The following BCR variants were observed in gnomAD, a reference collection of about 807,000 sequenced individuals.
The protein encoded by BCR is breakpoint cluster region protein.
A neutral mutation model predicts 138.6 loss-of-function variants in BCR; 58 were observed. The observed-to-expected ratio is 0.42, with a 90% CI of 0.34 to 0.52. The LOEUF is 0.52. Among genes scored for constraint, BCR ranks in the 20% least tolerant of loss-of-function variants. The pLI, the probability that BCR is intolerant of heterozygous loss-of-function variation, is 0.06. For missense variants in BCR, 1,599 were observed against 1,727.2 expected (o/e 0.93, Z 1.32); for synonymous variants, 786 against 730.1 (o/e 1.08, Z -1.23).
intron 1 of BCR, among the ~76,000 whole-genome samples, chr22:23,207,136 A>C (rs916287448): frequency 2.6e-5 from 4 of 152,154 alleles, no homozygotes; most frequent in Admixed American, 2.6e-4. Flanking sequence ...TTTGAAGTTG[A>C]TGTGACACCT....
chr22:23,257,951 G>A (rs1900960169), intron 2 of BCR, among the ~76,000 whole-genome samples: 3 of 152,284 alleles, frequency 2.0e-5, no homozygotes, highest in East Asian at 1.9e-4. Context: ...GAGCACCTGG[G>A]TGTTCTGGGC....
intron 2 of BCR, among the ~76,000 whole-genome samples, chr22:23,257,602 G>A (rs1054854872): frequency 6.6e-6 from 1 of 152,246 alleles, no homozygotes; most frequent in Non-Finnish European, 1.5e-5. Context: ...TGTGGAGCAG[G>A]GAGCGGCATC....
chr22:23,188,882 T>A lies in BCR; in HGVS notation c.1279+6643T>A, dbSNP rs561644138. Among the ~76,000 whole-genome samples the A allele has an allele frequency of 2.0e-5, 3 of 152,352 alleles. No homozygotes were observed. In the East Asian group the frequency reaches 5.8e-4, roughly 29 times the overall value. On this transcript the variant is annotated intron_variant, in intron 1 of 22. Transcript: ENST00000305877. Reference sequence around the variant, plus strand: ...AAATTCATGTTATATTTTTTATTTTTTCAAGACGGGGTCTCACTCTGTCAC... The same window carrying A: ...AAATTCATGTTATATTTTTTATTTTATCAAGACGGGGTCTCACTCTGTCAC...
At chr22:23,234,390 C>T (rs1427429112) in intron 1 of BCR, among the ~76,000 whole-genome samples, 2 of 152,164 alleles carry the variant, frequency 1.3e-5, no homozygotes, top group African/African-American at 4.8e-5. Context: ...CCCATGGTCC[C>T]TGGGTTCTGG....
intron 1 of BCR, among the ~76,000 whole-genome samples, chr22:23,217,272 G>T (rs2072765674): frequency 6.6e-6 from 1 of 152,244 alleles, no homozygotes; most frequent in South Asian, 2.1e-4. Flanking sequence ...TGGACTCCTA[G>T]TTCAAGATTG....
chr22:23,285,274 G>A (rs1440497642), intron 10 of BCR, 73 bp downstream of exon 10: 2 of 1,493,578 alleles, frequency 1.3e-6, no homozygotes, highest in South Asian at 1.3e-5. Flanking sequence ...CGGCCAGTGG[G>A]TGCTTTCTCC....
chr22:23,193,804 C>T (rs1217899053), intron 1 of BCR, among the ~76,000 whole-genome samples: 1 of 152,178 alleles, frequency 6.6e-6, no homozygotes, highest in Non-Finnish European at 1.5e-5. Flanking sequence ...GGAGGAGTGA[C>T]AGGAACCCTC....
chr22:23,227,224 C>T (rs1030095921), intron 1 of BCR, among the ~76,000 whole-genome samples: 1 of 152,184 alleles, frequency 6.6e-6, no homozygotes, highest in African/African-American at 2.4e-5. Context: ...ATGGTGACTA[C>T]CACCTTCCGT....
intron 14 of BCR, among the ~76,000 whole-genome samples, chr22:23,291,285 G>T (rs1209703050): frequency 1.3e-5 from 2 of 151,984 alleles, no homozygotes; most frequent in Non-Finnish European, 2.9e-5. Flanking sequence ...GGGGAATGGG[G>T]TTGGGAGAGA....
intron 1 of BCR, among the ~76,000 whole-genome samples, chr22:23,215,793 A>G (rs1795337803): frequency 6.6e-6 from 1 of 152,004 alleles, no homozygotes. Context: ...GTGGTTCTGC[A>G]CCCCCACTCA....
chr22:23,227,320 C>T (rs2072906301), intron 1 of BCR, among the ~76,000 whole-genome samples: 1 of 152,164 alleles, frequency 6.6e-6, no homozygotes, highest in South Asian at 2.1e-4. Context: ...CCCAGTATTC[C>T]CCAGTTACCA....
intron 15 of BCR, among the ~76,000 whole-genome samples, chr22:23,294,394 A>C (rs2073822965): frequency 6.6e-6 from 1 of 152,214 alleles, no homozygotes; most frequent in African/African-American, 2.4e-5. Flanking sequence ...ATTATCTTTC[A>C]GAGTCCATAG....
intron 4 of BCR, chr22:23,264,457 C>G (rs1168434811): frequency 1.6e-6 from 1 of 635,726 alleles, no homozygotes; most frequent in Non-Finnish European, 2.8e-6. Flanking sequence ...CACTGCCCCA[C>G]TGTGCTCCTG....
At chr22:23,311,414 G>T (rs369485876) in intron 18 of BCR, among the ~76,000 whole-genome samples, 4 of 151,716 alleles carry the variant, frequency 2.6e-5, no homozygotes, top group Non-Finnish European at 4.4e-5. Flanking sequence ...TGCCCTTCCC[G>T]TGCTGACTTG....
Position 23,261,339 on chromosome 22 carries a change from T to C in BCR, c.1567-16T>C. ...GCCCCTCTCACCTGTGCTACCTCAC[T>C]TGTGCCCTCTTCCAGCCCATGAAGC... On this transcript the variant is annotated splice_polypyrimidine_tract_variant and intron_variant, in intron 3 of 22. Coordinates refer to ENST00000305877, the MANE Select transcript of BCR (RefSeq NM_004327.4). 2 of 1,608,088 alleles carry C rather than the reference T, an allele frequency of 1.2e-6. No homozygotes were observed. The highest frequency in any genetic ancestry group is 1.3e-5 in the African/African-American group (1 of 74,954).
At chr22:23,273,561 G>T in intron 7 of BCR, 73 bp from the exon 8 acceptor site, 4 of 1,599,508 alleles carry the variant, frequency 2.5e-6, no homozygotes, top group Non-Finnish European at 3.4e-6. Flanking sequence ...CACACTTTGT[G>T]TCTGCACTTT....
chr22:23,297,069 G>T lies in BCR; in HGVS notation c.3012+1914G>T, dbSNP rs189999277. ...CTTTGTTTTCTTGAGGCAGTATCTG[G>T]CTGTGTCTCCCAGGCTGGCGTGCAA... On this transcript the variant is annotated intron_variant, in intron 16 of 22. Coordinates refer to ENST00000305877, the MANE Select transcript of BCR (RefSeq NM_004327.4). 5.2e-3 allele frequency among the ~76,000 whole-genome samples: 798 copies of T among 152,194 alleles called. 11 individuals are homozygous for T. Among genetic ancestry groups the T allele is most frequent in the African/African-American group, 0.019 (779 of 41,500 alleles).
intron 1 of BCR, among the ~76,000 whole-genome samples, chr22:23,217,462 G>T (rs2072769313): frequency 6.6e-6 from 1 of 152,188 alleles, no homozygotes; most frequent in South Asian, 2.1e-4. Context: ...TAGGCCTTGG[G>T]TTCAACATGA....
At chr22:23,193,007 CAGAG>C (rs909399998) in intron 1 of BCR, among the ~76,000 whole-genome samples, 2 of 151,972 alleles carry the variant, frequency 1.3e-5, no homozygotes, top group African/African-American at 2.4e-5. Flanking sequence ...GCAGCAGCCA[CAGAG>C]AGAGAGAGCC....
Sources: gnomAD v4.1 joint callset for allele counts (sites outside exome capture counted in the v4.1 genomes callset) on GRCh38, gnomAD v4.1.1 for gene constraint, MANE v1.5 for transcripts, NCBI Gene and HGNC (gene_info 2026-07-23, HGNC 2026-07-21) for gene names.